Variants in MUC5B observed in about 807,000 individuals in gnomAD.
The protein encoded by MUC5B is mucin 5B, oligomeric mucus/gel-forming.
MUC5B carries 116 observed loss-of-function variants against 376.9 expected under a neutral mutation model. The observed-to-expected ratio is 0.31, with a 90% CI of 0.26 to 0.36. The LOEUF is 0.36. MUC5B is among the 10% of genes least tolerant of loss of function. The pLI, the probability that MUC5B is intolerant of heterozygous loss-of-function variation, is 1.00. For synonymous variants in MUC5B, 3,517 were observed against 3,390.9 expected (o/e 1.04, Z -1.29); for missense variants, 7,165 against 7,769.9 (o/e 0.92, Z 2.93).
At position 1,250,064 on chromosome 11, in the gene MUC5B, T is replaced by G. The variant is rs1402888034; in HGVS notation, c.13184T>G (p.Leu4395Arg). The G allele has an allele frequency of 6.3e-7, 1 of 1,594,350 alleles. No individual in the cohort carries two copies. Among genetic ancestry groups the G allele is most frequent in the Non-Finnish European group, 8.6e-7 (1 of 1,169,582 alleles). ...TPGTTWILTELTTAATTTAAT... is the reference protein window; with the variant it reads ...TPGTTWILTERTTAATTTAAT... ...GGGACGACCTGGATCCTCACAGAGC[T>G]GACCACAGCAGCCACTACAACTGCA... The change falls in exon 31 of 49, where the codon CTG (leucine) becomes CGG (arginine). Residue 4395 changes from leucine (L) to arginine (R), a missense_variant. Physicochemically the swap from Leu to Arg is moderately radical, Grantham distance 102. Around this residue, in one of 31 missense-constraint regions of MUC5B, gnomAD observed 431 missense variants for 390.4 expected, o/e 1.10. Coordinates refer to ENST00000529681, the MANE Select transcript of MUC5B (RefSeq NM_002458.3).
At position 1,231,993 on chromosome 11, in the gene MUC5B, C is replaced by T. The variant is rs758569825; in HGVS notation, c.1679-3C>T. ...GCTGACATCCCCCAACCCTGGCCCCCAGGCCTGTGTGGGAACTTCAACCAG... is the reference window on the plus strand; with the variant it reads ...GCTGACATCCCCCAACCCTGGCCCCTAGGCCTGTGTGGGAACTTCAACCAG... On this transcript the variant is annotated splice_region_variant and splice_polypyrimidine_tract_variant and intron_variant, in intron 14 of 48. Coordinates refer to ENST00000529681, the MANE Select transcript of MUC5B (RefSeq NM_002458.3). The T allele has an allele frequency of 6.2e-7, 1 of 1,612,628 alleles. No individual in the cohort carries two copies. The highest frequency in any genetic ancestry group is 1.1e-5 in the South Asian group (1 of 91,084).
rs112505354 is a variant in MUC5B, at chr11:1,256,112, C to A, written c.16067-44C>A. ...GCGGTGATTGGGGGCGGCCCTGGGC[C>A]CCCCCAACCCCTTGGCTTGTCTGAC... On this transcript the variant is annotated intron_variant, in intron 37 of 48. Transcript: ENST00000529681. The A allele has an allele frequency of 4.2e-5, 30 of 709,978 alleles. 1 individual carries two copies. Among genetic ancestry groups the A allele is most frequent in the South Asian group, 3.3e-4 (22 of 66,556 alleles). 44.0% of individuals were successfully genotyped at this position (709,978 alleles called of 1,614,324 possible).
Position 1,249,740 on chromosome 11 carries a change from C to G in MUC5B, c.12860C>G (p.Thr4287Ser). Residue 4287 changes from threonine to serine, a missense_variant, in exon 31 of 49, where the codon ACC (threonine) becomes AGC (serine). By Grantham distance (58) the Thr-to-Ser change is moderately conservative. Coordinates refer to ENST00000529681, the MANE Select transcript of MUC5B (RefSeq NM_002458.3). ...PPPKVLTSPA[T>S]TPTATSSKAT... Reference sequence around the variant, plus strand: ...CCCAAAGTGCTGACCAGCCCGGCCACCACACCCACAGCCACCAGTTCCAAA... The same window carrying G: ...CCCAAAGTGCTGACCAGCCCGGCCAGCACACCCACAGCCACCAGTTCCAAA... 6.2e-7 allele frequency: 1 copy of G among 1,612,360 alleles called. No individual in the cohort carries two copies. Among genetic ancestry groups the G allele is most frequent in the Non-Finnish European group, 8.5e-7 (1 of 1,179,074 alleles).
Position 1,241,735 on chromosome 11 carries a change from G to GCCA in MUC5B, c.4870_4872dup (p.Thr1624dup), listed in dbSNP as rs371395761. The GCCA allele has an allele frequency of 1.1e-5, 17 of 1,611,612 alleles. No homozygotes were observed. Among genetic ancestry groups the GCCA allele is most frequent in the African/African-American group, 2.7e-5 (2 of 74,922 alleles). On this transcript the variant is annotated inframe_insertion, in exon 31 of 49. Transcript: ENST00000529681. ...GCCACCGACCACAGAGCTGGAGACG[G>GCCA]CCACCACCACCACCACCCAGGCCCT...
intron 1 of MUC5B, 50 bp downstream of exon 1, chr11:1,223,243 G>A (rs779192761): frequency 2.8e-6 from 2 of 702,898 alleles, no homozygotes; most frequent in South Asian, 1.5e-5. Flanking sequence ...CACGGCGGGG[G>A]TCTCTGCAGG....
At chr11:1,252,242 C>T (rs772082972) in intron 31 of MUC5B, 101 bp from the exon 32 acceptor site, 35 of 1,198,864 alleles carry the variant, frequency 2.9e-5, no homozygotes, top group African/African-American at 7.7e-5. Context: ...TCCCTGGAAC[C>T]GCTGCTCCCT....
chr11:1,242,579 C>G lies in MUC5B; in HGVS notation c.5699C>G (p.Thr1900Ser). The stretch of plus-strand genomic sequence containing the variant: ...AGCTCCACGGCCACGCCCTCCTCAA[C>G]TCCGGGGACGACCTGGATCCTCACA... ...ATSSTATPSS[T>S]PGTTWILTKP... The change falls in exon 31 of 49, where the codon ACT becomes AGT. Residue 1900 changes from threonine (T) to serine (S), a missense_variant. Thr to Ser is a moderately conservative substitution (Grantham distance 58). Coordinates refer to ENST00000529681, the MANE Select transcript of MUC5B (RefSeq NM_002458.3). 1 of 1,613,814 alleles carries G rather than the reference C, an allele frequency of 6.2e-7. No homozygotes were observed. Among genetic ancestry groups the G allele is most frequent in the Non-Finnish European group, 8.5e-7 (1 of 1,179,810 alleles).
Position 1,258,874 on chromosome 11 carries a change from T to G in MUC5B, c.16594-68T>G. ...ACAACTCCCTGCAGGCCCCATTGGG[T>G]CATGGGGAGGGGTCCTGGCCCTGTT... On this transcript the variant is annotated intron_variant, in intron 43 of 48. Transcript: ENST00000529681. The surrounding 1 kb of genome is among the most constrained non-coding windows in gnomAD (Gnocchi z 5.5). 6.5e-7 allele frequency: 1 copy of G among 1,536,468 alleles called. No homozygotes were observed. The highest frequency in any genetic ancestry group is 1.4e-5 in the African/African-American group (1 of 72,884).
intron 25 of MUC5B, 103 bp from the exon 26 acceptor site, chr11:1,238,768 G>A: frequency 8.0e-7 from 1 of 1,253,144 alleles, no homozygotes; most frequent in Non-Finnish European, 1.1e-6. Flanking sequence ...TGCCATGGGG[G>A]GTGTTGAAAT....
Position 1,243,163 on chromosome 11 carries a change from A to C in MUC5B, c.6283A>C (p.Ile2095Leu), listed in dbSNP as rs753807150. The change falls in exon 31 of 49, where the codon ATC becomes CTC. Residue 2095 changes from isoleucine (I) to leucine (L), a missense_variant. Transcript: ENST00000529681. ...TRGSTVTPSS[I>L]PGTTHTATVL... ...AGGCTCCACGGTGACCCCCTCCTCC[A>C]TCCCGGGGACCACCCACACCGCCAC... 6.2e-7 allele frequency: 1 copy of C among 1,600,974 alleles called. No homozygotes were observed.
chr11:1,259,688 G>A, intron 44 of MUC5B, 68 bp from the exon 45 acceptor site: 1 of 1,537,784 alleles, frequency 6.5e-7, no homozygotes, highest in African/African-American at 1.4e-5. Context: ...GTAGACAGGA[G>A]GGCAGGCTGG....
rs571846844 is a variant in MUC5B at position 1,253,228 on chromosome 11, G to A, written c.15217+248G>A. ...CACCATGCTGTCTTGGGCCTCAGTGGTGCACGTCGTGAGAGCTGTTAGTAT... is the reference window on the plus strand; with the variant it reads ...CACCATGCTGTCTTGGGCCTCAGTGATGCACGTCGTGAGAGCTGTTAGTAT... On this transcript the variant is annotated intron_variant, in intron 33 of 48. Transcript: ENST00000529681. This position sits in a 1 kb window ranked among gnomAD's most constrained non-coding sequence, Gnocchi z 4.3. Among the ~76,000 whole-genome samples, 6 of 152,242 alleles carry A rather than the reference G, an allele frequency of 3.9e-5. No individual in the cohort carries two copies. In the East Asian group the frequency reaches 7.7e-4, roughly 20 times the overall value.
In MUC5B at chr11:1,241,155, C is replaced by T; in HGVS notation, c.4275C>T (p.Leu1425=). Residue 1425 remains leucine, a synonymous_variant, in exon 31 of 49, where the codon CTC becomes CTT. Transcript: ENST00000529681. ...GTCACGACTACGAGCTGCGGGTTCTCTGCTGCGAATACGTGCCCTGTGGCC... is the reference window on the plus strand; with the variant it reads ...GTCACGACTACGAGCTGCGGGTTCTTTGCTGCGAATACGTGCCCTGTGGCC... The part of the protein sequence containing the change: ...PLCHDYELRV[L]CCEYVPCGPS... The T allele has an allele frequency of 1.2e-6, 2 of 1,606,616 alleles. No individual in the cohort carries two copies. Among genetic ancestry groups the T allele is most frequent in the Non-Finnish European group, 1.7e-6 (2 of 1,176,820 alleles).
chr11:1,230,679 C>T, intron 12 of MUC5B, 79 bp downstream of exon 12: 3 of 1,317,620 alleles, frequency 2.3e-6, no homozygotes, highest in South Asian at 2.7e-5. Context: ...CGGTCAGGTC[C>T]CCCTCCAGCC....
In MUC5B at chr11:1,241,554, C is replaced by A. The variant is rs933924603; in HGVS notation, c.4674C>A (p.Thr1558=). The part of the protein sequence containing the change: ...ECQAESFPNW[T]LAQVGQKVHC... ...AGGCCGAGAGCTTCCCCAACTGGAC[C>A]CTGGCACAGGTGGGGCAGAAGGTGC... Residue 1558 remains threonine, a synonymous_variant, in exon 31 of 49, where the codon ACC becomes ACA. Coordinates refer to ENST00000529681, the MANE Select transcript of MUC5B (RefSeq NM_002458.3). 2.5e-6 allele frequency: 4 copies of A among 1,612,462 alleles called. No homozygotes were observed. The highest frequency in any genetic ancestry group is 3.4e-6 in the Non-Finnish European group (4 of 1,179,426).
chr11:1,251,796 C>T (rs1862708422), intron 31 of MUC5B, 53 bp downstream of exon 31: 9 of 1,257,228 alleles, frequency 7.2e-6, no homozygotes, highest in Non-Finnish European at 7.8e-6. Context: ...GCTATGCCAA[C>T]CTGGGTCTGC....
chr11:1,246,378 G>A lies in MUC5B; in HGVS notation c.9498G>A (p.Glu3166=), dbSNP rs764119748. ...STPGTTWILT[E]PSTTATVTVP... is the part of the protein sequence containing the mutation. ...CAGGGACCACCTGGATCCTCACAGA[G>A]CCCAGCACTACAGCCACCGTGACGG... Residue 3166 remains glutamate (E), a synonymous_variant, in exon 31 of 49, where the codon GAG becomes GAA. Transcript: ENST00000529681. 2.5e-5 allele frequency: 41 copies of A among 1,613,350 alleles called. No homozygotes were observed. Among genetic ancestry groups the A allele is most frequent in the Non-Finnish European group, 3.4e-5 (40 of 1,179,778 alleles).
chr11:1,235,820 A>G lies in MUC5B; in HGVS notation c.2880+407A>G, dbSNP rs182803642. On this transcript the variant is annotated intron_variant, in intron 23 of 48. Coordinates refer to ENST00000529681, the MANE Select transcript of MUC5B (RefSeq NM_002458.3). ...GCCCCCCCCCGCCCCCACGTAGTCCAGGATGATCTCATTTCAAGATGCTTC... is the reference window on the plus strand; with the variant it reads ...GCCCCCCCCCGCCCCCACGTAGTCCGGGATGATCTCATTTCAAGATGCTTC... Among the ~76,000 whole-genome samples the G allele has an allele frequency of 4.2e-3, 618 of 147,072 alleles. 2 individuals are homozygous for G. The highest frequency in any genetic ancestry group is 0.014 in the African/African-American group (575 of 39,838).
intron 1 of MUC5B, among the ~76,000 whole-genome samples, chr11:1,224,367 C>G (rs1464984078): frequency 6.6e-6 from 1 of 151,972 alleles, no homozygotes; most frequent in Non-Finnish European, 1.5e-5. Flanking sequence ...GTGGGCACTT[C>G]TCTGGCTACA....
Sources: gnomAD v4.1 joint callset for allele counts (sites outside exome capture counted in the v4.1 genomes callset) on GRCh38, gnomAD v4.1.1 for gene constraint, gnomAD v4.1.1 regional missense constraint, Gnocchi (gnomAD v3.1) non-coding constraint, MANE v1.5 for transcripts, NCBI Gene and HGNC (gene_info 2026-07-23, HGNC 2026-07-21) for gene names.